The following PAGE2B variants were observed in gnomAD, a reference collection of about 807,000 sequenced individuals.
PAGE2B encodes putative G antigen family E member 3.
A neutral mutation model predicts 7.6 loss-of-function variants in PAGE2B; 5 were observed. The observed-to-expected ratio is 0.66, with a 90% CI of 0.34 to 1.38. The LOEUF (loss-of-function observed/expected upper bound fraction) is 1.38. PAGE2B is among the 40% of genes most tolerant of loss of function. The pLI is 0.04. For synonymous variants in PAGE2B, 29 were observed against 26.7 expected, an observed-to-expected ratio of 1.09 and a Z score of -0.27; for missense variants, 70 against 78.4, an observed-to-expected ratio of 0.89 and a Z score of 0.41.
chrX:55,029,102 T>A, the PAGE2B span, among the ~76,000 whole-genome samples: 1 of 111,835 alleles, frequency 8.9e-6, no homozygotes, highest in Admixed American at 9.5e-5. Flanking sequence ...TTGATAGACT[T>A]TATTATTTTT....
chrX:55,038,133 A>T, the PAGE2B span, among the ~76,000 whole-genome samples: 16 of 110,872 alleles, frequency 1.4e-4, no homozygotes, highest in African/African-American at 3.9e-4. Context: ...CCCTATCCCC[A>T]GCAAATCCCT....
the PAGE2B span, among the ~76,000 whole-genome samples, chrX:55,037,932 A>G: frequency 0.35 from 34,537 of 99,088 alleles, 6,703 homozygotes; most frequent in Non-Finnish European, 0.5. Context: ...GGATAGCATT[A>G]GGAGATATAC....
chrX:55,075,904 A>T, intron 1 of PAGE2B, 130 bp from the exon 2 acceptor site: 1 of 674,732 alleles, frequency 1.5e-6, no homozygotes, highest in Non-Finnish European at 2.2e-6. Context: ...GTACTTATCA[A>T]TGCTCTGTGA....
chrX:55,036,220 T>C, the PAGE2B span, among the ~76,000 whole-genome samples: 1 of 111,890 alleles, frequency 8.9e-6, no homozygotes, highest in Non-Finnish European at 1.9e-5. Context: ...TGGGGTTTTC[T>C]AGATATACAA....
the PAGE2B span, among the ~76,000 whole-genome samples, chrX:55,050,199 A>G: frequency 2.7e-5 from 3 of 111,997 alleles, no homozygotes; most frequent in African/African-American, 9.8e-5. Context: ...CTGTTCTTTT[A>G]CATTTGCTGA....
the PAGE2B span, among the ~76,000 whole-genome samples, chrX:55,062,470 C>A: frequency 9.0e-6 from 1 of 111,598 alleles, no homozygotes; most frequent in Admixed American, 9.5e-5. Flanking sequence ...CTATAGAGTT[C>A]TTTGAGCTCC....
chrX:55,041,976 T>G, the PAGE2B span, among the ~76,000 whole-genome samples: 292 of 111,628 alleles, frequency 2.6e-3, 1 homozygote, highest in East Asian at 0.067. Flanking sequence ...GTTGAAAACA[T>G]TACCCTGAGA....
chrX:55,039,664 G>C, the PAGE2B span, among the ~76,000 whole-genome samples: 3 of 110,992 alleles, frequency 2.7e-5, no homozygotes, highest in Non-Finnish European at 5.7e-5. Context: ...TACTATTTAT[G>C]GTGCCCGGAG....
chrX:55,047,956 A>G, the PAGE2B span, among the ~76,000 whole-genome samples: 5 of 112,059 alleles, frequency 4.5e-5, no homozygotes, highest in African/African-American at 3.2e-5. Flanking sequence ...TAGGTCTAAC[A>G]TGTAAGTCTT....
chrX:55,046,927 A>G, the PAGE2B span, among the ~76,000 whole-genome samples: 4 of 109,407 alleles, frequency 3.7e-5, no homozygotes, highest in Admixed American at 3.8e-4. Context: ...ACTTTTGCAG[A>G]GATTCACTTT....
the PAGE2B span, among the ~76,000 whole-genome samples, chrX:55,036,544 A>G: frequency 5.4e-5 from 6 of 111,445 alleles, no homozygotes; most frequent in African/African-American, 2.0e-4. Context: ...CCTTTTCTGC[A>G]TCTATTGAGA....
At chrX:55,034,359 C>T in the PAGE2B span, among the ~76,000 whole-genome samples, 1 of 111,834 alleles carries the variant, frequency 8.9e-6, no homozygotes. Context: ...GTGATGGTAG[C>T]TGGGTTGTTC....
At chrX:55,039,760 G>A in the PAGE2B span, among the ~76,000 whole-genome samples, 454 of 111,733 alleles carry the variant, frequency 4.1e-3, 4 homozygotes, top group African/African-American at 0.014. Context: ...AGGAAACCTG[G>A]TCTTAGAGAA....
the PAGE2B span, among the ~76,000 whole-genome samples, chrX:55,037,743 T>C: frequency 9.1e-6 from 1 of 109,937 alleles, no homozygotes; most frequent in Non-Finnish European, 1.9e-5. Flanking sequence ...TGAGTTCATT[T>C]CTTTGTAGGG....
the PAGE2B span, among the ~76,000 whole-genome samples, chrX:55,062,638 CTG>C: frequency 4.5e-5 from 5 of 111,592 alleles, no homozygotes; most frequent in African/African-American, 1.3e-4. Context: ...CTTTGGTTGC[CTG>C]TGCTTGTGGG....
At chrX:55,033,240 AG>A in the PAGE2B span, among the ~76,000 whole-genome samples, 1 of 111,750 alleles carries the variant, frequency 8.9e-6, no homozygotes, top group African/African-American at 3.2e-5. Flanking sequence ...AAATCTACTG[AG>A]GTTAACAAAC....
chrX:55,069,776 T>A, the PAGE2B span, among the ~76,000 whole-genome samples: 18 of 111,255 alleles, frequency 1.6e-4, no homozygotes, highest in Non-Finnish European at 2.8e-4. Context: ...CTTGGGAGGG[T>A]GTATGTGTCC....
the PAGE2B span, among the ~76,000 whole-genome samples, chrX:55,031,688 A>G: frequency 8.9e-6 from 1 of 111,768 alleles, no homozygotes. Context: ...CAATGTAGTT[A>G]CAGAACCCAC....
At chrX:55,077,787 A>T (rs1395126009) in intron 4 of PAGE2B, among the ~76,000 whole-genome samples, 4 of 112,605 alleles carry the variant, frequency 3.6e-5, no homozygotes, top group Non-Finnish European at 7.5e-5. Flanking sequence ...ATGGAGAAAA[A>T]TTGGGTCAAA....
Sources: allele counts gnomAD v4.1 joint callset (sites outside exome capture counted in the v4.1 genomes callset), GRCh38; gene constraint gnomAD v4.1.1; transcripts MANE v1.5; gene names NCBI Gene and HGNC (gene_info 2026-07-23, HGNC 2026-07-21).